Variants in RSBN1L observed in about 807,000 individuals in gnomAD.
RSBN1L encodes the protein round spermatid basic protein 1 like.
Under a neutral mutation model 67.7 loss-of-function variants are expected in RSBN1L, and 30 were observed. The observed-to-expected ratio is 0.44, with a 90% CI of 0.33 to 0.60. The LOEUF is 0.60. Among genes scored for constraint, RSBN1L ranks in the 20% least tolerant of loss-of-function variants. RSBN1L has a pLI of 0.02. For missense variants in RSBN1L, 992 were observed against 1,031.7 expected, an observed-to-expected ratio of 0.96 and a Z score of 0.53; for synonymous variants, 433 against 387.0, an observed-to-expected ratio of 1.12 and a Z score of -1.39.
At chr7:77,732,416 T>TCTGCCTCCTGGGTTC (rs1402904376) in intron 1 of RSBN1L, among the ~76,000 whole-genome samples, 1 of 152,204 alleles carries the variant, frequency 6.6e-6, no homozygotes, top group East Asian at 1.9e-4. Context: ...CACTGCAACC[T>TCTGCCTCCTGGGTTC]CTGCCTCCTG....
rs990477039 is a variant in RSBN1L at position 77,778,754 on chromosome 7, C to G, written c.2127C>G (p.Gly709=). The change falls in exon 8 of 8, where the codon GGC becomes GGG. Residue 709 remains glycine, a synonymous_variant. Coordinates refer to ENST00000334955, the MANE Select transcript of RSBN1L (RefSeq NM_198467.3). The part of the protein sequence containing the change: ...TSQNTATHET[G]TSSDSTSSVL... ...AGAATACAGCTACTCATGAAACAGG[C>G]ACATCATCAGATTCCACATCATCTG... The G allele has an allele frequency of 6.2e-7, 1 of 1,613,978 alleles. No individual in the cohort carries two copies. Among genetic ancestry groups the G allele is most frequent in the Non-Finnish European group, 8.5e-7 (1 of 1,179,992 alleles).
At chr7:77,706,609 G>A (rs561898926) in intron 1 of RSBN1L, among the ~76,000 whole-genome samples, 8 of 152,248 alleles carry the variant, frequency 5.3e-5, no homozygotes, top group African/African-American at 1.7e-4. Context: ...AATTATTCTG[G>A]GGGGTGGGAA....
rs1362082567 is a variant in RSBN1L, at chr7:77,767,416, C to T, written c.1483-1245C>T. On this transcript the variant is annotated intron_variant, in intron 4 of 7. Coordinates refer to ENST00000334955, the MANE Select transcript of RSBN1L (RefSeq NM_198467.3). ...TCAGATGGAGTCTCGCTGTGTCATC[C>T]AGGCTGGAGGGCAGTGGTGCGATCT... 4.0e-5 allele frequency among the ~76,000 whole-genome samples: 6 copies of T among 151,818 alleles called. No individual in the cohort carries two copies. The East Asian group carries it at 1.2e-3, about 29-fold the overall frequency.
chr7:77,754,207 C>T (rs1791589077), intron 3 of RSBN1L, among the ~76,000 whole-genome samples: 1 of 151,886 alleles, frequency 6.6e-6, no homozygotes, highest in Admixed American at 6.6e-5. Flanking sequence ...CTAGCTTTAT[C>T]ATTAATCTCA....
chr7:77,726,508 T>C (rs1791204566), intron 1 of RSBN1L, among the ~76,000 whole-genome samples: 1 of 152,198 alleles, frequency 6.6e-6, no homozygotes, highest in Non-Finnish European at 1.5e-5. Context: ...CTGTAAATTT[T>C]AAAAACAAAA....
At chr7:77,752,627 G>A (rs1184697302) in intron 3 of RSBN1L, among the ~76,000 whole-genome samples, 1 of 152,194 alleles carries the variant, frequency 6.6e-6, no homozygotes, top group African/African-American at 2.4e-5. Context: ...CCCTCCAGGA[G>A]TTGATTTTAT....
At chr7:77,714,045 C>A (rs549298392) in intron 1 of RSBN1L, among the ~76,000 whole-genome samples, 1 of 152,264 alleles carries the variant, frequency 6.6e-6, no homozygotes, top group Admixed American at 6.5e-5. Flanking sequence ...GTTTATCATA[C>A]TAAAATCACA....
chr7:77,750,102 A>C (rs558790879), intron 3 of RSBN1L, 38 bp downstream of exon 3: 1 of 1,254,248 alleles, frequency 8.0e-7, no homozygotes, highest in African/African-American at 1.5e-5. Flanking sequence ...ACTTTTAATT[A>C]TATATTTTTA....
At chr7:77,705,367 T>TA (rs774549673) in intron 1 of RSBN1L, among the ~76,000 whole-genome samples, 5 of 152,316 alleles carry the variant, frequency 3.3e-5, no homozygotes, top group Non-Finnish European at 7.3e-5. Flanking sequence ...AAATTCGAGT[T>TA]AAACAATTTT....
intron 1 of RSBN1L, among the ~76,000 whole-genome samples, chr7:77,727,365 G>C (rs1791218132): frequency 6.6e-6 from 1 of 152,164 alleles, no homozygotes; most frequent in African/African-American, 2.4e-5. Flanking sequence ...GGGATTACAG[G>C]CGTGAGCCAC....
chr7:77,758,380 A>T (rs1292360207), intron 3 of RSBN1L, among the ~76,000 whole-genome samples: 1 of 152,210 alleles, frequency 6.6e-6, no homozygotes, highest in African/African-American at 2.4e-5. Flanking sequence ...TAGTAGATGT[A>T]TATATTTATG....
At chr7:77,766,324 A>G (rs949498847) in intron 4 of RSBN1L, among the ~76,000 whole-genome samples, 4 of 152,206 alleles carry the variant, frequency 2.6e-5, no homozygotes, top group African/African-American at 7.2e-5. Context: ...ACCTCGGATT[A>G]CAGGCACATG....
At chr7:77,772,362 G>A (rs567307979) in intron 5 of RSBN1L, among the ~76,000 whole-genome samples, 3 of 152,178 alleles carry the variant, frequency 2.0e-5, no homozygotes, top group East Asian at 1.9e-4. Context: ...AACAAAAACC[G>A]TAGAGGAAGA....
chr7:77,707,847 C>CAAT (rs1168019053), intron 1 of RSBN1L, among the ~76,000 whole-genome samples: 2 of 151,994 alleles, frequency 1.3e-5, no homozygotes, highest in African/African-American at 4.8e-5. Context: ...AGGACAGAAA[C>CAAT]AATAATAATA....
chr7:77,745,232 G>A (rs947724892), intron 2 of RSBN1L, among the ~76,000 whole-genome samples: 2 of 149,498 alleles, frequency 1.3e-5, no homozygotes, highest in African/African-American at 5.0e-5. Flanking sequence ...TTGCACTCCA[G>A]CCTGGGAAAC....
intron 1 of RSBN1L, among the ~76,000 whole-genome samples, chr7:77,726,934 A>G (rs1791211681): frequency 2.6e-5 from 4 of 151,208 alleles, no homozygotes; most frequent in African/African-American, 9.7e-5. Context: ...GGTGTGAGTC[A>G]CTGTGCCCGG....
chr7:77,713,493 AC>A (rs951300013), intron 1 of RSBN1L, among the ~76,000 whole-genome samples: 51 of 151,976 alleles, frequency 3.4e-4, no homozygotes, highest in African/African-American at 1.2e-3. Context: ...AGTAGCTGGG[AC>A]TACAGGCGCC....
intron 2 of RSBN1L, among the ~76,000 whole-genome samples, chr7:77,747,299 GAGCCA>G (rs1449825442): frequency 6.6e-6 from 1 of 152,190 alleles, no homozygotes; most frequent in Non-Finnish European, 1.5e-5. Flanking sequence ...TAAAACGAAA[GAGCCA>G]ACTGCTAATA....
chr7:77,748,060 A>T (rs1365932477), intron 2 of RSBN1L, among the ~76,000 whole-genome samples: 1 of 152,208 alleles, frequency 6.6e-6, no homozygotes, highest in African/African-American at 2.4e-5. Context: ...TAAATAGTTC[A>T]GTTTGACCAG....
Sources: allele counts gnomAD v4.1 joint callset (sites outside exome capture counted in the v4.1 genomes callset), GRCh38; gene constraint gnomAD v4.1.1; transcripts MANE v1.5; gene names NCBI Gene and HGNC (gene_info 2026-07-23, HGNC 2026-07-21).